Variants in BCAS3 observed in about 807,000 individuals in gnomAD.
The protein encoded by BCAS3 is BCAS4/BCAS3 fusion.
Under a neutral mutation model 116.1 loss-of-function variants are expected in BCAS3, and 53 were observed. That is an observed-to-expected ratio of 0.46 (90% CI 0.37 to 0.57). BCAS3 has a LOEUF of 0.57. Ranked by LOEUF, BCAS3 falls within the 20% of genes least tolerant of loss-of-function variation. BCAS3 has a pLI of 0.00. For synonymous variants in BCAS3, 391 were observed against 408.2 expected (o/e 0.96, Z 0.51); for missense variants, 917 against 1,165.4 (o/e 0.79, Z 3.10).
intron 9 of BCAS3, among the ~76,000 whole-genome samples, chr17:60,879,939 C>G (rs2055961287): frequency 6.6e-6 from 1 of 152,194 alleles, no homozygotes; most frequent in African/African-American, 2.4e-5. Context: ...GTTCAGCTTA[C>G]ATTAAAAGTT....
rs968302832 is a variant in BCAS3, at chr17:61,162,692, G to A, written c.2425+78128G>A. Among the ~76,000 whole-genome samples, 3 of 152,166 alleles carry A rather than the reference G, an allele frequency of 2.0e-5. No homozygotes were observed. Among genetic ancestry groups the A allele is most frequent in the Admixed American group, 6.5e-5 (1 of 15,278 alleles). On this transcript the variant is annotated intron_variant, in intron 22 of 23. Transcript: ENST00000407086. This position sits in a 1 kb window ranked among gnomAD's most constrained non-coding sequence, Gnocchi z 5.6. ...AAAATAATAAGTAAACCAGTTCAGGGATATACTTCTCTTTCTGAAACTGAT... is the reference window on the plus strand; with the variant it reads ...AAAATAATAAGTAAACCAGTTCAGGAATATACTTCTCTTTCTGAAACTGAT...
In BCAS3 at chr17:61,249,956, G is replaced by A. The variant is rs958266117; in HGVS notation, c.2426-118371G>A. On this transcript the variant is annotated intron_variant, in intron 22 of 23. Transcript: ENST00000407086. This position sits in a 1 kb window ranked among gnomAD's most constrained non-coding sequence, Gnocchi z 6.2. ...CCCCAGAGTTTACAAATCAGAAATT[G>A]AATGAGGCAGGCTTAAAGAGGATCA... is the stretch of plus-strand genomic sequence containing the variant. 6.6e-6 allele frequency among the ~76,000 whole-genome samples: 1 copy of A among 151,772 alleles called. No individual in the cohort carries two copies. Among genetic ancestry groups the A allele is most frequent in the Non-Finnish European group, 1.5e-5 (1 of 68,016 alleles).
At chr17:61,178,860 C>T (rs1303934006) in intron 22 of BCAS3, among the ~76,000 whole-genome samples, 3 of 152,118 alleles carry the variant, frequency 2.0e-5, no homozygotes, top group Non-Finnish European at 2.9e-5. Context: ...ATGAAGTTTA[C>T]GTACCCTATA....
chr17:60,679,548 C>A lies in BCAS3; in HGVS notation c.83+8C>A. 6.2e-7 allele frequency: 1 copy of A among 1,602,274 alleles called. No individual in the cohort carries two copies. The highest frequency in any genetic ancestry group is 8.5e-7 in the Non-Finnish European group (1 of 1,170,094). ...TCGCCCCCAGGCTGTCACGTAAGCA[C>A]ATTTCAGATAAACCCAATAGCTGAA... On this transcript the variant is annotated splice_region_variant and intron_variant, in intron 2 of 23. Coordinates refer to ENST00000407086, the MANE Select transcript of BCAS3 (RefSeq NM_017679.5).
rs1024841212 is a variant in BCAS3 at position 61,229,988 on chromosome 17, G to C, written c.2426-138339G>C. Among the ~76,000 whole-genome samples, 2 of 152,184 alleles carry C rather than the reference G, an allele frequency of 1.3e-5. No individual in the cohort carries two copies. Among genetic ancestry groups the C allele is most frequent in the Non-Finnish European group, 1.5e-5 (1 of 68,040 alleles). ...GAAAATACAAAAATTAGCCGGGCGT[G>C]GTAGCACGTGCCTATAGTCCCAGCT... On this transcript the variant is annotated intron_variant, in intron 22 of 23. Coordinates refer to ENST00000407086, the MANE Select transcript of BCAS3 (RefSeq NM_017679.5). The surrounding 1 kb of genome is among the most constrained non-coding windows in gnomAD (Gnocchi z 4.4).
In BCAS3 at chr17:61,222,172, A is replaced by G. The variant is rs964563764; in HGVS notation, c.2425+137608A>G. Among the ~76,000 whole-genome samples the G allele has an allele frequency of 6.6e-4, 100 of 152,228 alleles. No individual in the cohort carries two copies. Among genetic ancestry groups the G allele is most frequent in the African/African-American group, 2.1e-3 (89 of 41,450 alleles). On this transcript the variant is annotated intron_variant, in intron 22 of 23. Coordinates refer to ENST00000407086, the MANE Select transcript of BCAS3 (RefSeq NM_017679.5). This position sits in a 1 kb window ranked among gnomAD's most constrained non-coding sequence, Gnocchi z 6.1. ...AGAACATATAGTGGCAGAATAAATA[A>G]GCCAAGATATGAAATAATAGTGGGG...
At chr17:61,010,795 G>A (rs2065059355) in intron 15 of BCAS3, among the ~76,000 whole-genome samples, 1 of 151,992 alleles carries the variant, frequency 6.6e-6, no homozygotes, top group Non-Finnish European at 1.5e-5. Flanking sequence ...ATCTATCGTG[G>A]GGACTGGTAA....
chr17:61,105,897 A>G lies in BCAS3; in HGVS notation c.2425+21333A>G, dbSNP rs1017752565. Among the ~76,000 whole-genome samples the G allele has an allele frequency of 6.6e-6, 1 of 152,188 alleles. No individual in the cohort carries two copies. The highest frequency in any genetic ancestry group is 6.5e-5 in the Admixed American group (1 of 15,270). ...TTATTTAAAATATTGTCCAGAAATA[A>G]ACAATTCATACATGTTCAATTTTGT... On this transcript the variant is annotated intron_variant, in intron 22 of 23. Transcript: ENST00000407086. This position sits in a 1 kb window ranked among gnomAD's most constrained non-coding sequence, Gnocchi z 4.3.
intron 22 of BCAS3, among the ~76,000 whole-genome samples, chr17:61,237,589 G>A (rs531268205): frequency 3.9e-5 from 6 of 152,258 alleles, no homozygotes; most frequent in Non-Finnish European, 7.3e-5. Context: ...TCGAAGGTCC[G>A]CAGCTTCATT....
At position 61,241,216 on chromosome 17, in the gene BCAS3, G is replaced by C. The variant is rs1450210405; in HGVS notation, c.2426-127111G>C. Reference sequence around the variant, plus strand: ...GATTGCAAAAGTCAGTGAGGACTCTGTTATTACTACGAATTTGTAGGTTGG... The same window carrying C: ...GATTGCAAAAGTCAGTGAGGACTCTCTTATTACTACGAATTTGTAGGTTGG... On this transcript the variant is annotated intron_variant, in intron 22 of 23. Transcript: ENST00000407086. This position sits in a 1 kb window ranked among gnomAD's most constrained non-coding sequence, Gnocchi z 4.6. Among the ~76,000 whole-genome samples the C allele has an allele frequency of 6.6e-6, 1 of 152,136 alleles. No individual in the cohort carries two copies. Among genetic ancestry groups the C allele is most frequent in the Non-Finnish European group, 1.5e-5 (1 of 68,038 alleles).
At position 61,248,891 on chromosome 17, in the gene BCAS3, A is replaced by G. The variant is rs181905967; in HGVS notation, c.2426-119436A>G. Among the ~76,000 whole-genome samples the G allele has an allele frequency of 4.6e-5, 7 of 152,340 alleles. No homozygotes were observed. In the East Asian group the frequency reaches 1.3e-3, roughly 29 times the overall value. On this transcript the variant is annotated intron_variant, in intron 22 of 23. Coordinates refer to ENST00000407086, the MANE Select transcript of BCAS3 (RefSeq NM_017679.5). This position sits in a 1 kb window ranked among gnomAD's most constrained non-coding sequence, Gnocchi z 4.3. Reference sequence around the variant, plus strand: ...AAGTAGTATACTGTCAAATACTTATAAAACTTCCTTCTTCTTTGCTCTTAA... The same window carrying G: ...AAGTAGTATACTGTCAAATACTTATGAAACTTCCTTCTTCTTTGCTCTTAA...
At position 60,996,503 on chromosome 17, in the gene BCAS3, T is replaced by C. The variant is rs573207522; in HGVS notation, c.1486+6268T>C. ...TCTAGAAGGATAGGGTTGGTGTCAA[T>C]TGAAATGAAGAATGTTGTGGATAAA... On this transcript the variant is annotated intron_variant, in intron 15 of 23. Coordinates refer to ENST00000407086, the MANE Select transcript of BCAS3 (RefSeq NM_017679.5). 5.9e-5 allele frequency among the ~76,000 whole-genome samples: 9 copies of C among 152,224 alleles called. No homozygotes were observed. In the South Asian group the frequency reaches 1.9e-3, roughly 32 times the overall value.
intron 6 of BCAS3, among the ~76,000 whole-genome samples, chr17:60,761,970 T>G (rs146599913): frequency 0.27 from 41,397 of 151,768 alleles, 11,326 homozygotes; most frequent in African/African-American, 0.71. Context: ...TGATGAGCAT[T>G]TTTTCACGTG....
chr17:60,704,715 A>G lies in BCAS3; in HGVS notation c.215-4504A>G, dbSNP rs534720226. On this transcript the variant is annotated intron_variant, in intron 4 of 23. Transcript: ENST00000407086. ...TAGCCGGGCATGGTGGTGCGTGCCT[A>G]TAATCCCAGCTACTCAGGAGGCTGA... Among the ~76,000 whole-genome samples the G allele has an allele frequency of 1.8e-4, 28 of 151,646 alleles. No homozygotes were observed. In the East Asian group the frequency reaches 5.5e-3, roughly 30 times the overall value.
intron 19 of BCAS3, among the ~76,000 whole-genome samples, chr17:61,066,810 A>C (rs1342490542): frequency 6.6e-6 from 1 of 152,096 alleles, no homozygotes; most frequent in Non-Finnish European, 1.5e-5. Context: ...TTTTCTAGGA[A>C]TGGTAATAAC....
At chr17:60,927,879 G>T (rs1189064273) in intron 13 of BCAS3, among the ~76,000 whole-genome samples, 1 of 151,862 alleles carries the variant, frequency 6.6e-6, no homozygotes, top group East Asian at 1.9e-4. Context: ...TAACAAAAAA[G>T]CCCTTATACT....
rs2081442133 is a variant in BCAS3, at chr17:61,211,252, A to C, written c.2425+126688A>C. ...AATCATTGTCTGGTGTGTTCAGATG[A>C]TAATCCAGTTGGCCACCAAGGGGTT... On this transcript the variant is annotated intron_variant, in intron 22 of 23. Coordinates refer to ENST00000407086, the MANE Select transcript of BCAS3 (RefSeq NM_017679.5). This position sits in a 1 kb window ranked among gnomAD's most constrained non-coding sequence, Gnocchi z 4.4. 6.6e-6 allele frequency among the ~76,000 whole-genome samples: 1 copy of C among 152,200 alleles called. No homozygotes were observed. The highest frequency in any genetic ancestry group is 6.5e-5 in the Admixed American group (1 of 15,278).
chr17:61,329,343 A>T (rs12451515), intron 22 of BCAS3, among the ~76,000 whole-genome samples: 41,427 of 130,908 alleles, frequency 0.32, 6,912 homozygotes, highest in African/African-American at 0.38. Flanking sequence ...TATTATTATT[A>T]TTTTTTTTTT....
Position 61,141,480 on chromosome 17 carries a change from T to C in BCAS3, c.2425+56916T>C, listed in dbSNP as rs142527254. Among the ~76,000 whole-genome samples, 486 of 152,084 alleles carry C rather than the reference T, an allele frequency of 3.2e-3. 3 individuals are homozygous for C. The highest frequency in any genetic ancestry group is 0.011 in the African/African-American group (469 of 41,470). ...GGCTGAGGTGGAAGGATTCCTTGAG[T>C]CCAGGAGTTCGAGACTGCAGTGAGT... On this transcript the variant is annotated intron_variant, in intron 22 of 23. Transcript: ENST00000407086. This position sits in a 1 kb window ranked among gnomAD's most constrained non-coding sequence, Gnocchi z 4.3.
Sources: allele counts gnomAD v4.1 joint callset (sites outside exome capture counted in the v4.1 genomes callset), GRCh38; gene constraint gnomAD v4.1.1; non-coding constraint Gnocchi (gnomAD v3.1); transcripts MANE v1.5; gene names NCBI Gene and HGNC (gene_info 2026-07-23, HGNC 2026-07-21).